AGBL1: variants seen among roughly 807,000 people sequenced by gnomAD.
The protein encoded by AGBL1 is AGBL carboxypeptidase 1.
In AGBL1, 130 loss-of-function variants were observed where a neutral mutation model predicts 118.9. The ratio of observed to expected loss-of-function variants is 1.09; its 90% CI spans 0.95 to 1.26. The LOEUF is 1.26. Among genes scored for constraint, AGBL1 ranks in the 50% most tolerant of loss-of-function variants. The pLI, the probability that AGBL1 is intolerant of heterozygous loss-of-function variation, is 0.00. For missense variants in AGBL1, 1,584 were observed against 1,298.1 expected (o/e 1.22, Z -3.38); for synonymous variants, 555 against 478.9 (o/e 1.16, Z -2.08).
At chr15:86,826,138 G>A (rs575918185) in intron 22 of AGBL1, among the ~76,000 whole-genome samples, 15 of 152,076 alleles carry the variant, frequency 9.9e-5, no homozygotes, top group Middle Eastern at 3.4e-3. Context: ...GTGTATGTAC[G>A]TATAGAAGAA....
chr15:86,820,884 T>C (rs1473696610), intron 22 of AGBL1, among the ~76,000 whole-genome samples: 1 of 152,174 alleles, frequency 6.6e-6, no homozygotes, highest in Non-Finnish European at 1.5e-5. Context: ...TGCACACGTA[T>C]ATTTATTGCA....
intron 17 of AGBL1, among the ~76,000 whole-genome samples, chr15:86,372,546 A>G (rs998808644): frequency 6.6e-6 from 1 of 151,838 alleles, no homozygotes; most frequent in African/African-American, 2.4e-5. Context: ...TTCATTCTCT[A>G]TTTCTCTCCA....
At chr15:86,540,221 T>C (rs948514561) in intron 19 of AGBL1, among the ~76,000 whole-genome samples, 3 of 152,166 alleles carry the variant, frequency 2.0e-5, no homozygotes, top group Non-Finnish European at 2.9e-5. Flanking sequence ...AGTGCTGTGT[T>C]ATATTAAAAT....
chr15:86,190,930 A>G (rs1253751747), intron 5 of AGBL1, among the ~76,000 whole-genome samples: 2 of 152,212 alleles, frequency 1.3e-5, no homozygotes, highest in Admixed American at 1.3e-4. Context: ...AATTTCCTAC[A>G]ACTGCTTTGC....
chr15:86,198,119 C>A (rs1160514685), intron 5 of AGBL1, among the ~76,000 whole-genome samples: 1 of 152,182 alleles, frequency 6.6e-6, no homozygotes, highest in African/African-American at 2.4e-5. Flanking sequence ...TATGCTCCAG[C>A]CTTAAAATCT....
intron 14 of AGBL1, 36 bp downstream of exon 14, chr15:86,270,103 A>G (rs942956546): frequency 1.9e-6 from 3 of 1,582,642 alleles, no homozygotes; most frequent in Non-Finnish European, 1.7e-6. Flanking sequence ...TTTCTGGAAC[A>G]TGCCAGGAAT....
intron 22 of AGBL1, among the ~76,000 whole-genome samples, chr15:86,823,876 C>G (rs750532876): frequency 6.6e-6 from 1 of 152,014 alleles, no homozygotes; most frequent in African/African-American, 2.4e-5. Context: ...ATTCAGTACC[C>G]TTTCATTAAA....
intron 18 of AGBL1, among the ~76,000 whole-genome samples, chr15:86,491,407 T>G (rs1344019485): frequency 6.6e-6 from 1 of 152,144 alleles, no homozygotes; most frequent in Admixed American, 6.5e-5. Context: ...TAGGCCTTGC[T>G]AAGGGATCCT....
At chr15:86,700,435 G>T (rs1425500643) in intron 22 of AGBL1, among the ~76,000 whole-genome samples, 1 of 149,556 alleles carries the variant, frequency 6.7e-6, no homozygotes, top group Non-Finnish European at 1.5e-5. Context: ...CAAGATGTAG[G>T]TGTTGTTCAT....
chr15:86,554,609 C>G, intron 21 of AGBL1, 72 bp downstream of exon 21: 1 of 1,332,700 alleles, frequency 7.5e-7, no homozygotes. Flanking sequence ...CAGCTCGTAC[C>G]TGCTTTCTCA....
At chr15:86,397,671 G>A in intron 18 of AGBL1, 125 bp downstream of exon 18, 2 of 866,984 alleles carry the variant, frequency 2.3e-6, no homozygotes, top group Non-Finnish European at 3.5e-6. Flanking sequence ...TTGGTTTTCT[G>A]TTTTCTGCTA....
intron 4 of AGBL1, 75 bp from the exon 5 acceptor site, chr15:86,158,858 G>A: frequency 7.6e-7 from 1 of 1,314,214 alleles, no homozygotes; most frequent in Non-Finnish European, 1.1e-6. Context: ...AAGATTTAAA[G>A]GAGTCAATCC....
chr15:86,417,384 A>G (rs2081710575), intron 18 of AGBL1, among the ~76,000 whole-genome samples: 1 of 152,034 alleles, frequency 6.6e-6, no homozygotes, highest in Admixed American at 6.6e-5. Context: ...TTGTCTTGGG[A>G]TGTATTTTTG....
chr15:86,522,792 T>TATTA lies in AGBL1; in HGVS notation c.2556-17_2556-14dup, dbSNP rs763437401. On this transcript the variant is annotated splice_polypyrimidine_tract_variant and intron_variant, in intron 18 of 22. Coordinates refer to ENST00000614907, the MANE Select transcript of AGBL1 (RefSeq NM_001386094.1). ...TCTTCTGAATGTGTATTTATTTGCT[T>TATTA]ATTATTTGTTCCTGTAGCCACAGAT... is the stretch of plus-strand genomic sequence containing the variant. The TATTA allele has an allele frequency of 6.2e-7, 1 of 1,612,430 alleles. No individual in the cohort carries two copies. The highest frequency in any genetic ancestry group is 8.5e-7 in the Non-Finnish European group (1 of 1,178,876).
intron 22 of AGBL1, among the ~76,000 whole-genome samples, chr15:86,787,764 G>A (rs1181415688): frequency 1.3e-5 from 2 of 152,100 alleles, no homozygotes; most frequent in Non-Finnish European, 2.9e-5. Flanking sequence ...AGAGATTGCT[G>A]GGTCATATGG....
At chr15:86,154,312 A>T in intron 3 of AGBL1, 118 bp from the exon 4 acceptor site, 2 of 1,184,754 alleles carry the variant, frequency 1.7e-6, no homozygotes, top group Non-Finnish European at 2.3e-6. Flanking sequence ...GGTCTGAAAA[A>T]TGTCTTTGGC....
Position 86,152,532 on chromosome 15 carries a change from T to G in AGBL1, c.263-1898T>G, listed in dbSNP as rs546993774. ...AATTAATTCAAGATGGATTGAAGAC[T>G]TAAATGTTAGACCTAAAACCATAAA... is the stretch of plus-strand genomic sequence containing the variant. On this transcript the variant is annotated intron_variant, in intron 3 of 22. Transcript: ENST00000614907. Among the ~76,000 whole-genome samples, 3 of 152,294 alleles carry G rather than the reference T, an allele frequency of 2.0e-5. No homozygotes were observed. In the South Asian group the frequency reaches 6.2e-4, roughly 32 times the overall value.
intron 1 of AGBL1, among the ~76,000 whole-genome samples, chr15:86,115,697 A>C (rs1357082233): frequency 6.6e-6 from 1 of 152,164 alleles, no homozygotes; most frequent in East Asian, 1.9e-4. Flanking sequence ...GGAAAGCTCA[A>C]GGCTATCTCT....
chr15:86,799,933 T>C (rs1362089645), intron 22 of AGBL1, among the ~76,000 whole-genome samples: 1 of 152,120 alleles, frequency 6.6e-6, no homozygotes, highest in Non-Finnish European at 1.5e-5. Flanking sequence ...CTGAAAAATA[T>C]CCATATAATT....
Sources: gnomAD v4.1 joint callset for allele counts (sites outside exome capture counted in the v4.1 genomes callset) on GRCh38, gnomAD v4.1.1 for gene constraint, MANE v1.5 for transcripts, NCBI Gene and HGNC (gene_info 2026-07-23, HGNC 2026-07-21) for gene names.